The following DENND2B variants were observed in gnomAD, a reference collection of about 807,000 sequenced individuals.
The protein encoded by DENND2B is DENN domain-containing protein 2B.
Under a neutral mutation model 116.0 loss-of-function variants are expected in DENND2B, and 32 were observed. The observed-to-expected ratio is 0.28, with a 90% confidence interval of 0.21 to 0.37. DENND2B has a LOEUF of 0.37. Among genes scored for constraint, DENND2B ranks in the 10% least tolerant of loss-of-function variants. The pLI, the probability that DENND2B is intolerant of heterozygous loss-of-function variation, is 1.00. For synonymous variants in DENND2B, 588 were observed against 583.9 expected, an observed-to-expected ratio of 1.01 and a Z score of -0.10; for missense variants, 1,276 against 1,477.7, an observed-to-expected ratio of 0.86 and a Z score of 2.24.
chr11:8,747,696 C>T (rs1332323018), intron 2 of DENND2B, among the ~76,000 whole-genome samples: 2 of 152,200 alleles, frequency 1.3e-5, no homozygotes, highest in African/African-American at 2.4e-5. Flanking sequence ...TATGCTCATT[C>T]GGCCTCATCA....
intron 13 of DENND2B, among the ~76,000 whole-genome samples, chr11:8,704,566 C>G (rs1449194146): frequency 6.6e-6 from 1 of 152,228 alleles, no homozygotes; most frequent in African/African-American, 2.4e-5. Context: ...CTAGGATTTG[C>G]CACTGCTCAG....
At chr11:8,719,895 G>A (rs1334410106) in intron 4 of DENND2B, among the ~76,000 whole-genome samples, 2 of 152,196 alleles carry the variant, frequency 1.3e-5, no homozygotes. Context: ...CCTATAGGAA[G>A]CCTTGTCCCA....
chr11:8,846,768 C>T (rs566106112), intron 3 of DENND2B, among the ~76,000 whole-genome samples: 1 of 152,196 alleles, frequency 6.6e-6, no homozygotes, highest in East Asian at 1.9e-4. Context: ...CCTCATCATT[C>T]TCTGTTTATA....
At chr11:8,884,239 G>A (rs548257161) in intron 1 of DENND2B, among the ~76,000 whole-genome samples, 3 of 151,790 alleles carry the variant, frequency 2.0e-5, no homozygotes, top group South Asian at 4.2e-4. Context: ...AGGTGGGGAT[G>A]GGGTCAGTCC....
chr11:8,727,070 C>A (rs1451829079), intron 3 of DENND2B, among the ~76,000 whole-genome samples: 2 of 152,200 alleles, frequency 1.3e-5, no homozygotes, highest in African/African-American at 4.8e-5. Context: ...TGCCCCTCTC[C>A]TTCATGAGAG....
chr11:8,846,386 T>C (rs2062814292), intron 3 of DENND2B, among the ~76,000 whole-genome samples: 1 of 152,136 alleles, frequency 6.6e-6, no homozygotes, highest in African/African-American at 2.4e-5. Context: ...CTATCTATCC[T>C]TGGAAGAAGA....
At chr11:8,828,499 A>G (rs2062065396) in intron 4 of DENND2B, among the ~76,000 whole-genome samples, 1 of 152,126 alleles carries the variant, frequency 6.6e-6, no homozygotes, top group African/African-American at 2.4e-5. Flanking sequence ...GTGAGGGGTC[A>G]CTGCTTTCAA....
chr11:8,893,016 G>A (rs1034524308), intron 1 of DENND2B, among the ~76,000 whole-genome samples: 32 of 152,142 alleles, frequency 2.1e-4, no homozygotes, highest in Non-Finnish European at 4.3e-4. Context: ...CTGGCAAACC[G>A]AATCCAGCAG....
chr11:8,774,580 C>A (rs2057363388), intron 1 of DENND2B, among the ~76,000 whole-genome samples: 1 of 152,208 alleles, frequency 6.6e-6, no homozygotes, highest in Admixed American at 6.5e-5. Context: ...CATCTCATCA[C>A]CACCACCCCA....
chr11:8,711,800 G>C (rs1221298949), intron 9 of DENND2B: 1 of 294,240 alleles, frequency 3.4e-6, no homozygotes, highest in African/African-American at 2.2e-5. Context: ...CCAGGAGGCG[G>C]AGGTTGCAGT....
At chr11:8,709,962 C>T (rs928136654) in intron 11 of DENND2B, among the ~76,000 whole-genome samples, 5 of 152,084 alleles carry the variant, frequency 3.3e-5, no homozygotes, top group Non-Finnish European at 7.4e-5. Context: ...TATATGAGCA[C>T]GTGCCTGACT....
At chr11:8,802,878 G>A (rs1242009177) in intron 1 of DENND2B, among the ~76,000 whole-genome samples, 1 of 152,146 alleles carries the variant, frequency 6.6e-6, no homozygotes, top group Non-Finnish European at 1.5e-5. Context: ...CCTACGCATT[G>A]GAGAACAAGC....
intron 3 of DENND2B, among the ~76,000 whole-genome samples, chr11:8,843,770 T>C (rs888554102): frequency 1.3e-5 from 2 of 152,192 alleles, no homozygotes; most frequent in Admixed American, 6.5e-5. Flanking sequence ...TGATATTCTC[T>C]ACCTCCAGAC....
intron 1 of DENND2B, among the ~76,000 whole-genome samples, chr11:8,779,515 T>TC (rs1565931410): frequency 2.0e-4 from 5 of 25,016 alleles, no homozygotes; most frequent in African/African-American, 4.7e-4. Flanking sequence ...TCTTTCTTTC[T>TC]TTTTTTTTTT....
intron 13 of DENND2B, among the ~76,000 whole-genome samples, chr11:8,706,436 T>C (rs1359719832): frequency 6.6e-6 from 1 of 151,786 alleles, no homozygotes; most frequent in African/African-American, 2.4e-5. Context: ...TGCCCAACTT[T>C]TGCCTTTGCA....
chr11:8,811,046 G>A (rs181700715), upstream of DENND2B: 109 of 370,470 alleles, frequency 2.9e-4, 1 homozygote, highest in African/African-American at 2.1e-3. Flanking sequence ...TTATAACTTG[G>A]AAGAATCCCT....
In DENND2B at chr11:8,707,495, G is replaced by A. The variant is rs546267461; in HGVS notation, c.2431-270C>T. 1.3e-4 allele frequency among the ~76,000 whole-genome samples: 20 copies of A among 152,346 alleles called. No individual in the cohort carries two copies. The highest frequency in any genetic ancestry group is 4.3e-4 in the African/African-American group (18 of 41,580). ...CCACCCAAGAGTCAGCTCCCTGGGC[G>A]CTCCTGCTTCCCCAAGGACTCTGGC... On this transcript the variant is annotated intron_variant, in intron 12 of 19. Transcript: ENST00000313726. The surrounding 1 kb of genome is among the most constrained non-coding windows in gnomAD (Gnocchi z 4.8).
intron 13 of DENND2B, among the ~76,000 whole-genome samples, chr11:8,706,122 G>A (rs1293074741): frequency 6.6e-6 from 1 of 152,208 alleles, no homozygotes; most frequent in Non-Finnish European, 1.5e-5. Context: ...GTGCACGCCT[G>A]TAGTCCCAGC....
intron 15 of DENND2B, 80 bp downstream of exon 15, chr11:8,699,133 G>A (rs1169765866): frequency 6.6e-7 from 1 of 1,512,266 alleles, no homozygotes; most frequent in East Asian, 2.3e-5. Flanking sequence ...CTGGTAAAGA[G>A]GCCGAGGGGC....
Sources: gnomAD v4.1 joint callset for allele counts (sites outside exome capture counted in the v4.1 genomes callset) on GRCh38, gnomAD v4.1.1 for gene constraint, Gnocchi (gnomAD v3.1) non-coding constraint, MANE v1.5 for transcripts, NCBI Gene and HGNC (gene_info 2026-07-23, HGNC 2026-07-21) for gene names.